The following ADAM10 variants were observed in gnomAD, a reference collection of about 807,000 sequenced individuals.
ADAM10 encodes the protein disintegrin and metalloproteinase domain-containing protein 10.
Under a neutral mutation model 90.1 loss-of-function variants are expected in ADAM10, and 17 were observed. That is an observed-to-expected ratio of 0.19 (90% CI 0.13 to 0.28). The LOEUF is 0.28. Ranked by LOEUF, ADAM10 falls within the 10% of genes least tolerant of loss-of-function variation. The probability of loss-of-function intolerance (pLI) is 1.00; values close to 1 mark genes in which losing one functional copy is unlikely to be tolerated. For missense variants in ADAM10, 610 were observed against 914.3 expected (o/e 0.67, Z 4.29); for synonymous variants, 310 against 298.6 (o/e 1.04, Z -0.40).
chr15:58,606,451 T>C (rs755200521), intron 14 of ADAM10, among the ~76,000 whole-genome samples: 3 of 152,252 alleles, frequency 2.0e-5, no homozygotes, highest in Non-Finnish European at 2.9e-5. Flanking sequence ...CTCTTTTCCA[T>C]ATAAATTATT....
At chr15:58,740,146 C>T (rs1452323518) in intron 1 of ADAM10, among the ~76,000 whole-genome samples, 1 of 152,094 alleles carries the variant, frequency 6.6e-6, no homozygotes, top group East Asian at 1.9e-4. Context: ...GGCATGGTGG[C>T]TCATGCCTGT....
chr15:58,603,902 G>T (rs1272344830), intron 14 of ADAM10, among the ~76,000 whole-genome samples: 2 of 136,778 alleles, frequency 1.5e-5, no homozygotes, highest in African/African-American at 5.6e-5. Context: ...AAAAAAAAAG[G>T]CCTACTTTAG....
intron 4 of ADAM10, among the ~76,000 whole-genome samples, chr15:58,669,160 C>T (rs1410414507): frequency 1.3e-5 from 2 of 152,176 alleles, no homozygotes; most frequent in African/African-American, 2.4e-5. Flanking sequence ...AGAACATGCA[C>T]TCTCAAGAGC....
chr15:58,609,630 A>G (rs1220438940), intron 14 of ADAM10: 1 of 154,278 alleles, frequency 6.5e-6, no homozygotes, highest in African/African-American at 2.4e-5. Flanking sequence ...ATTCTCAAAT[A>G]TATCATTTGC....
At chr15:58,728,845 A>T (rs1344561994) in intron 1 of ADAM10, among the ~76,000 whole-genome samples, 3 of 152,236 alleles carry the variant, frequency 2.0e-5, no homozygotes, top group Non-Finnish European at 4.4e-5. Flanking sequence ...GCCTGTAATG[A>T]TTCAATATTC....
At chr15:58,739,449 G>A (rs1399018467) in intron 1 of ADAM10, among the ~76,000 whole-genome samples, 1 of 151,850 alleles carries the variant, frequency 6.6e-6, no homozygotes, top group African/African-American at 2.4e-5. Flanking sequence ...CCTGGGAGGC[G>A]GAGCTGGCAG....
At chr15:58,633,434 T>A in intron 8 of ADAM10, 75 bp from the exon 9 acceptor site, 2 of 1,228,884 alleles carry the variant, frequency 1.6e-6, no homozygotes, top group Non-Finnish European at 2.4e-6. Context: ...CATGCTATAT[T>A]AAATGAAAAC....
rs1894849497 is a variant in ADAM10, at chr15:58,592,752, A to ATAT, written c.*4794_*4795insATA. Reference sequence around the variant, plus strand: ...ATTTCTAAGGATGGGACTCTGATTTAATATATATATATATATATATTAAAT... The same window carrying ATAT: ...ATTTCTAAGGATGGGACTCTGATTTATATATATATATATATATATATATTAAAT... On this transcript the variant is annotated 3_prime_UTR_variant, in exon 16 of 16. Coordinates refer to ENST00000260408, the MANE Select transcript of ADAM10 (RefSeq NM_001110.4). The ATAT allele has an allele frequency of 6.9e-6, 1 of 145,272 alleles. No individual in the cohort carries two copies. Among genetic ancestry groups the ATAT allele is most frequent in the South Asian group, 2.1e-4 (1 of 4,672 alleles). The allele number at this position is 145,272 out of a possible 1,614,324, so 9.0% of individuals were successfully genotyped here.
chr15:58,625,685 T>C (rs1433966125), intron 10 of ADAM10, among the ~76,000 whole-genome samples: 6 of 152,198 alleles, frequency 3.9e-5, no homozygotes, highest in Admixed American at 3.9e-4. Context: ...CTTATATGTT[T>C]ATACAAAAAA....
intron 4 of ADAM10, among the ~76,000 whole-genome samples, chr15:58,676,976 C>A (rs1470624938): frequency 6.6e-6 from 1 of 152,214 alleles, no homozygotes; most frequent in African/African-American, 2.4e-5. Flanking sequence ...CTCTGTCCCT[C>A]TGCAGAGAAT....
chr15:58,665,581 C>T (rs1442385424), intron 4 of ADAM10, among the ~76,000 whole-genome samples: 1 of 152,104 alleles, frequency 6.6e-6, no homozygotes, highest in Non-Finnish European at 1.5e-5. Context: ...TGAGCTCCAT[C>T]AGGAGGACTC....
chr15:58,630,778 C>G (rs1253832665), intron 9 of ADAM10, among the ~76,000 whole-genome samples: 1 of 152,144 alleles, frequency 6.6e-6, no homozygotes, highest in African/African-American at 2.4e-5. Context: ...TTAAGGGAGA[C>G]AGGTTCAGGT....
intron 7 of ADAM10, among the ~76,000 whole-genome samples, chr15:58,642,421 C>T (rs777028853): frequency 6.6e-6 from 1 of 151,422 alleles, no homozygotes; most frequent in Non-Finnish European, 1.5e-5. Flanking sequence ...GCCGAGATTG[C>T]GCCACTGAAC....
intron 2 of ADAM10, among the ~76,000 whole-genome samples, chr15:58,700,921 C>T (rs904881564): frequency 1.3e-5 from 2 of 150,134 alleles, no homozygotes; most frequent in Non-Finnish European, 3.0e-5. Flanking sequence ...GGAAGGACTG[C>T]TTGAGCCCTG....
intron 4 of ADAM10, among the ~76,000 whole-genome samples, chr15:58,667,637 T>A (rs1165228224): frequency 2.0e-5 from 3 of 152,116 alleles, no homozygotes; most frequent in African/African-American, 4.8e-5. Context: ...TGCATAAAAA[T>A]TATTTTTGTT....
chr15:58,722,203 G>A (rs1213807570), intron 1 of ADAM10, among the ~76,000 whole-genome samples: 13 of 151,224 alleles, frequency 8.6e-5, no homozygotes, highest in African/African-American at 2.4e-4. Flanking sequence ...TTAGCCTGGC[G>A]TGATGGCATG....
chr15:58,691,230 C>T (rs747520750), intron 2 of ADAM10: 2 of 877,672 alleles, frequency 2.3e-6, no homozygotes, highest in Admixed American at 1.8e-5. Flanking sequence ...CTTTACGTTG[C>T]TCTCCTCCAT....
rs1234966709 is a variant in ADAM10, at chr15:58,596,553, G to T, written c.*994C>A. 6.6e-6 allele frequency: 1 copy of T among 152,488 alleles called. No homozygotes were observed. The highest frequency in any genetic ancestry group is 1.9e-4 in the East Asian group (1 of 5,200). The allele number at this position is 152,488 out of a possible 1,614,324, so 9.4% of individuals were successfully genotyped here. ...GACACAGCTTTTCTTTTCCATATCA[G>T]ACAGAAAACATAATTAGCATATTTC... On this transcript the variant is annotated 3_prime_UTR_variant, in exon 16 of 16. Transcript: ENST00000260408.
At position 58,749,540 on chromosome 15, in the gene ADAM10, G is replaced by A. The variant is rs1466814015; in HGVS notation, c.-6C>T. The A allele has an allele frequency of 1.5e-5, 24 of 1,551,374 alleles. No individual in the cohort carries two copies. Among genetic ancestry groups the A allele is most frequent in the Non-Finnish European group, 2.1e-5 (24 of 1,146,994 alleles). ...AACACTCTCAGCAACACCATCTTCC[G>A]CTGCCGCTGCCGCCGCCGCCGCCTC... On this transcript the variant is annotated 5_prime_UTR_variant, in exon 1 of 16. Coordinates refer to ENST00000260408, the MANE Select transcript of ADAM10 (RefSeq NM_001110.4).
Sources: gnomAD v4.1 joint callset for allele counts (sites outside exome capture counted in the v4.1 genomes callset) on GRCh38, gnomAD v4.1.1 for gene constraint, MANE v1.5 for transcripts, NCBI Gene and HGNC (gene_info 2026-07-23, HGNC 2026-07-21) for gene names.